The following DUSP4 variants were observed in gnomAD, a reference collection of about 807,000 sequenced individuals.
DUSP4 encodes dual specificity phosphatase 4.
In DUSP4, 12 loss-of-function variants were observed where a neutral mutation model predicts 27.2. That is an observed-to-expected ratio of 0.44 (90% CI 0.28 to 0.71). The LOEUF is 0.71. Ranked by LOEUF, DUSP4 falls within the 30% of genes least tolerant of loss-of-function variation. DUSP4 has a pLI of 0.14. For missense variants in DUSP4, 448 were observed against 551.3 expected, an observed-to-expected ratio of 0.81 and a Z score of 1.88; for synonymous variants, 257 against 245.2, an observed-to-expected ratio of 1.05 and a Z score of -0.45.
At chr8:29,347,410 CAT>C (rs1474108407) in intron 1 of DUSP4, among the ~76,000 whole-genome samples, 1 of 152,234 alleles carries the variant, frequency 6.6e-6, no homozygotes, top group Non-Finnish European at 1.5e-5. Context: ...CTGCTGAACA[CAT>C]ATGTCAAAAT....
intron 1 of DUSP4, chr8:29,348,695 G>C: frequency 2.0e-6 from 2 of 985,486 alleles, no homozygotes; most frequent in South Asian, 4.7e-5. Context: ...CCTTCCTCCC[G>C]GGTGGACAGG....
intron 1 of DUSP4, among the ~76,000 whole-genome samples, chr8:29,347,431 C>A (rs1330679386): frequency 2.0e-5 from 3 of 152,248 alleles, no homozygotes; most frequent in Non-Finnish European, 4.4e-5. Context: ...ATCAGCTAAG[C>A]TAAACCGAAT....
rs930063554 is a variant in DUSP4, at chr8:29,335,339, T to G, written c.*1687A>C. ...ATTCAAAATGGCGCCTGCGTGCCCA[T>G]GACGCACGTCACGGGAGCCAGCGGC... On this transcript the variant is annotated 3_prime_UTR_variant, in exon 4 of 4. Coordinates refer to ENST00000240100, the MANE Select transcript of DUSP4 (RefSeq NM_001394.7). 6.6e-6 allele frequency: 1 copy of G among 152,134 alleles called. No homozygotes were observed. The highest frequency in any genetic ancestry group is 1.5e-5 in the Non-Finnish European group (1 of 68,028). The allele number at this position is 152,134 out of a possible 1,614,324, so 9.4% of individuals were successfully genotyped here.
chr8:29,350,012 G>C lies in DUSP4; in HGVS notation c.267C>G (p.Ala89=). 3.1e-6 allele frequency: 5 copies of C among 1,594,456 alleles called. No homozygotes were observed. Among genetic ancestry groups the C allele is most frequent in the Admixed American group, 1.7e-5 (1 of 57,974 alleles). ...GCAAGCGGGCGCGTACCTCCTCCTC[G>C]GCGGGCAGGATCTGCTCCAGGCTCA... ...GSVSLEQILP[A]EEEVRARLRS... The change falls in exon 1 of 4, where the codon GCC becomes GCG. Residue 89 remains alanine (A), a synonymous_variant. Coordinates refer to ENST00000240100, the MANE Select transcript of DUSP4 (RefSeq NM_001394.7).
chr8:29,341,839 G>T (rs1817660384), intron 1 of DUSP4, among the ~76,000 whole-genome samples: 1 of 152,204 alleles, frequency 6.6e-6, no homozygotes, highest in South Asian at 2.1e-4. Context: ...TTCAGTCCAT[G>T]CTCCCTTTCG....
At position 29,349,790 on chromosome 8, in the gene DUSP4, C is replaced by G. The variant is rs181770511; in HGVS notation, c.433+56G>C. 5.0e-4 allele frequency: 713 copies of G among 1,433,588 alleles called. 4 individuals carry two copies. The African/African-American group carries it at 7.9e-3, about 16-fold the overall frequency. 88.8% of individuals were successfully genotyped at this position (1,433,588 alleles called of 1,614,324 possible). On this transcript the variant is annotated intron_variant, in intron 1 of 3. Coordinates refer to ENST00000240100, the MANE Select transcript of DUSP4 (RefSeq NM_001394.7). ...CTTCCCGTGCCAATAAGGCGCAGGC[C>G]GCCAAGACCCCCTCCATCTCCCCGA...
In DUSP4 at chr8:29,333,970, T is replaced by G. The variant is rs1034279856; in HGVS notation, c.*3056A>C. The G allele has an allele frequency of 1.3e-5, 2 of 152,324 alleles. No homozygotes were observed. Among genetic ancestry groups the G allele is most frequent in the African/African-American group, 4.8e-5 (2 of 41,444 alleles). 9.4% of individuals were successfully genotyped at this position (152,324 alleles called of 1,614,324 possible). A position where few individuals can be genotyped will look rare whatever the true frequency, so the allele number is the denominator to read the frequency against. ...AAAACTCTCTGGAATCCAGCGTGGA[T>G]GAGCAACTGAACAAAATGGCTTTGG... is the stretch of plus-strand genomic sequence containing the variant. On this transcript the variant is annotated 3_prime_UTR_variant, in exon 4 of 4. Transcript: ENST00000240100.
intron 1 of DUSP4, chr8:29,348,843 A>G (rs1817778507): frequency 1.0e-6 from 1 of 978,066 alleles, no homozygotes. Context: ...CCCGCGCGGA[A>G]GAATGCGCGG....
At chr8:29,345,848 C>G (rs190171937) in intron 1 of DUSP4, 795 of 1,067,636 alleles carry the variant, frequency 7.4e-4, no homozygotes, top group Non-Finnish European at 8.5e-4. Context: ...GAGTTTGCTT[C>G]ATTGTAAAAA....
chr8:29,349,265 G>C (rs980230956), intron 1 of DUSP4, among the ~76,000 whole-genome samples: 1 of 152,242 alleles, frequency 6.6e-6, no homozygotes, highest in African/African-American at 2.4e-5. Context: ...CACCTTCCAA[G>C]CTGAGCTTGG....
At chr8:29,342,652 A>G (rs919770125) in intron 1 of DUSP4, among the ~76,000 whole-genome samples, 1 of 152,136 alleles carries the variant, frequency 6.6e-6, no homozygotes, top group Non-Finnish European at 1.5e-5. Flanking sequence ...AACCCTTGTC[A>G]GGGACCTGGC....
Position 29,333,973 on chromosome 8 carries a change from G to A in DUSP4, c.*3053C>T, listed in dbSNP as rs1456175680. ...ACTCTCTGGAATCCAGCGTGGATGA[G>A]CAACTGAACAAAATGGCTTTGGGAG... is the stretch of plus-strand genomic sequence containing the variant. On this transcript the variant is annotated 3_prime_UTR_variant, in exon 4 of 4. Transcript: ENST00000240100. 1 of 152,296 alleles carries A rather than the reference G, an allele frequency of 6.6e-6. No homozygotes were observed. The highest frequency in any genetic ancestry group is 2.4e-5 in the African/African-American group (1 of 41,450). 9.4% of individuals were successfully genotyped at this position (152,296 alleles called of 1,614,324 possible). A position where few individuals can be genotyped will look rare whatever the true frequency, so the allele number is the denominator to read the frequency against.
At position 29,336,036 on chromosome 8, in the gene DUSP4, C is replaced by G. The variant is rs1045615286; in HGVS notation, c.*990G>C. Reference sequence around the variant, plus strand: ...CCGAGGTGGGAGGATCTCTTGAGCCCAAGAGCTTGAGATGAGCCTTGGCAA... The same window carrying G: ...CCGAGGTGGGAGGATCTCTTGAGCCGAAGAGCTTGAGATGAGCCTTGGCAA... On this transcript the variant is annotated 3_prime_UTR_variant, in exon 4 of 4. Coordinates refer to ENST00000240100, the MANE Select transcript of DUSP4 (RefSeq NM_001394.7). The G allele has an allele frequency of 6.6e-5, 10 of 152,110 alleles. No homozygotes were observed. The highest frequency in any genetic ancestry group is 1.2e-4 in the Non-Finnish European group (8 of 68,016). The allele number at this position is 152,110 out of a possible 1,614,324, so 9.4% of individuals were successfully genotyped here.
chr8:29,346,734 C>T (rs974980071), intron 1 of DUSP4, among the ~76,000 whole-genome samples: 13 of 152,194 alleles, frequency 8.5e-5, no homozygotes, highest in African/African-American at 3.1e-4. Flanking sequence ...AAAGGCTAGG[C>T]TGTACTTTCT....
At position 29,348,866 on chromosome 8, in the gene DUSP4, G is replaced by A. The variant is rs1369760117; in HGVS notation, c.433+980C>T. 5.6e-6 allele frequency: 5 copies of A among 892,082 alleles called. No homozygotes were observed. In the East Asian group the frequency reaches 3.6e-4, roughly 64 times the overall value. The allele number at this position is 892,082 out of a possible 1,614,324, so 55.3% of individuals were successfully genotyped here. On this transcript the variant is annotated intron_variant, in intron 1 of 3. Transcript: ENST00000240100. ...GAAGAATGCGCGGAATGCGGCGGCG[G>A]GAGGCGGAGGCGCAGCGCGGCGGGG...
At chr8:29,348,087 A>G in intron 1 of DUSP4, 3 of 985,566 alleles carry the variant, frequency 3.0e-6, no homozygotes, top group Non-Finnish European at 3.6e-6. Context: ...ACAACAAAAC[A>G]AATCCAGACT....
At chr8:29,340,515 C>T (rs187859043) in intron 1 of DUSP4, among the ~76,000 whole-genome samples, 10 of 152,264 alleles carry the variant, frequency 6.6e-5, no homozygotes, top group Middle Eastern at 3.4e-3. Flanking sequence ...CAAAGGAAGA[C>T]GTGCAGGGGG....
chr8:29,340,912 G>A (rs77607942), intron 1 of DUSP4, among the ~76,000 whole-genome samples: 5,671 of 152,264 alleles, frequency 0.037, 129 homozygotes, highest in Middle Eastern at 0.051. Context: ...TCATCTTCCA[G>A]AGAAGGGAGA....
At chr8:29,349,423 C>A (rs926044763) in intron 1 of DUSP4, among the ~76,000 whole-genome samples, 5 of 152,252 alleles carry the variant, frequency 3.3e-5, no homozygotes, top group Non-Finnish European at 7.3e-5. Context: ...CTTTTCTCCA[C>A]CTCTGGGATT....
Sources: allele counts gnomAD v4.1 joint callset (sites outside exome capture counted in the v4.1 genomes callset), GRCh38; gene constraint gnomAD v4.1.1; transcripts MANE v1.5; gene names NCBI Gene and HGNC (gene_info 2026-07-23, HGNC 2026-07-21).